The following ATP10B variants were observed in gnomAD, a reference collection of about 807,000 sequenced individuals.
ATP10B encodes ATPase phospholipid transporting 10B (putative).
Under a neutral mutation model 141.2 loss-of-function variants are expected in ATP10B, and 122 were observed. The ratio of observed to expected loss-of-function variants is 0.86; its 90% CI spans 0.75 to 1.00. ATP10B has a LOEUF of 1.00. ATP10B is among the 50% of genes least tolerant of loss of function. The pLI, the probability that ATP10B is intolerant of heterozygous loss-of-function variation, is 0.00. For synonymous variants in ATP10B, 685 were observed against 692.0 expected, an observed-to-expected ratio of 0.99 and a Z score of 0.16; for missense variants, 1,876 against 1,825.3, an observed-to-expected ratio of 1.03 and a Z score of -0.51.
the ATP10B span, among the ~76,000 whole-genome samples, chr5:160,895,720 TG>T: frequency 1.4e-3 from 208 of 152,314 alleles, no homozygotes; most frequent in African/African-American, 4.8e-3. Context: ...TACAGACCTC[TG>T]CACTCTAAAT....
chr5:160,782,401 T>C (rs1283383750), intron 2 of ATP10B, among the ~76,000 whole-genome samples: 1 of 151,538 alleles, frequency 6.6e-6, no homozygotes, highest in Non-Finnish European at 1.5e-5. Flanking sequence ...CAGCAAAGTT[T>C]ACATTTATTG....
At chr5:160,726,934 C>A (rs1202254779) in intron 2 of ATP10B, among the ~76,000 whole-genome samples, 1 of 151,598 alleles carries the variant, frequency 6.6e-6, no homozygotes, top group Non-Finnish European at 1.5e-5. Flanking sequence ...GACCTGGAAG[C>A]CCCCGGGGGT....
At chr5:160,594,663 A>T (rs1003113160) in intron 22 of ATP10B, among the ~76,000 whole-genome samples, 1 of 151,326 alleles carries the variant, frequency 6.6e-6, no homozygotes, top group Non-Finnish European at 1.5e-5. Flanking sequence ...GCAGAGACAC[A>T]CATAGGTTCA....
At chr5:160,704,335 G>C (rs536900891) in intron 3 of ATP10B, among the ~76,000 whole-genome samples, 7 of 152,186 alleles carry the variant, frequency 4.6e-5, no homozygotes, top group Admixed American at 2.0e-4. Context: ...GGGATTATAG[G>C]CATGAAACAC....
At chr5:160,699,242 T>C (rs1435392755) in intron 3 of ATP10B, among the ~76,000 whole-genome samples, 4 of 152,246 alleles carry the variant, frequency 2.6e-5, no homozygotes, top group Non-Finnish European at 4.4e-5. Flanking sequence ...AATTTCATTT[T>C]TAACATCCCT....
intron 24 of ATP10B, among the ~76,000 whole-genome samples, chr5:160,575,274 T>TC (rs1755122116): frequency 6.6e-6 from 1 of 152,234 alleles, no homozygotes; most frequent in Admixed American, 6.5e-5. Flanking sequence ...GTGTTTTTTT[T>TC]CCCTTCAGCA....
intron 4 of ATP10B, 90 bp downstream of exon 4, chr5:160,688,670 C>T (rs753564166): frequency 1.2e-4 from 81 of 688,724 alleles, no homozygotes; most frequent in Non-Finnish European, 1.4e-4. Context: ...TATTGGGACA[C>T]ATCTTAAAAC....
intron 2 of ATP10B, among the ~76,000 whole-genome samples, chr5:160,753,108 T>C (rs1190914846): frequency 1.3e-5 from 2 of 152,062 alleles, no homozygotes; most frequent in Non-Finnish European, 2.9e-5. Context: ...CAGGGGATGG[T>C]TAAGACAGAA....
intron 18 of ATP10B, among the ~76,000 whole-genome samples, chr5:160,607,744 CTT>C (rs1757476168): frequency 6.6e-6 from 1 of 152,124 alleles, no homozygotes; most frequent in Admixed American, 6.5e-5. Flanking sequence ...TGGAAATAAA[CTT>C]ATTAATTTTT....
chr5:160,748,905 TG>T (rs1213600644), intron 2 of ATP10B, among the ~76,000 whole-genome samples: 6 of 152,232 alleles, frequency 3.9e-5, no homozygotes, highest in Admixed American at 6.5e-5. Flanking sequence ...GTGCCTACTC[TG>T]GGCTAGGCCC....
intron 1 of ATP10B, among the ~76,000 whole-genome samples, chr5:160,787,129 CACACA>C (rs1162258408): frequency 1.7e-5 from 2 of 120,162 alleles, no homozygotes; most frequent in South Asian, 5.2e-4. Context: ...CACACACACA[CACACA>C]CACACACACA....
At chr5:160,754,808 G>T (rs570895858) in intron 2 of ATP10B, among the ~76,000 whole-genome samples, 17 of 152,146 alleles carry the variant, frequency 1.1e-4, no homozygotes, top group Non-Finnish European at 1.0e-4. Context: ...TAGCACTACA[G>T]GATAGACACA....
the ATP10B span, among the ~76,000 whole-genome samples, chr5:160,872,779 C>T: frequency 6.6e-6 from 1 of 152,152 alleles, no homozygotes. Context: ...TGACTACGGC[C>T]TTAGAGTATA....
At chr5:160,854,403 A>G (rs1187214260), upstream of ATP10B, among the ~76,000 whole-genome samples, 1 of 151,806 alleles carries the variant, frequency 6.6e-6, no homozygotes, top group African/African-American at 2.4e-5. Context: ...TTCAACTCCC[A>G]CTTATGAGAA....
At chr5:160,854,551 T>C (rs1010238134), upstream of ATP10B, among the ~76,000 whole-genome samples, 2 of 152,202 alleles carry the variant, frequency 1.3e-5, no homozygotes, top group Non-Finnish European at 2.9e-5. Context: ...ATGTGCTACA[T>C]TTTCTTTATC....
At chr5:160,661,610 T>G (rs556981776) in intron 7 of ATP10B, among the ~76,000 whole-genome samples, 16 of 152,162 alleles carry the variant, frequency 1.1e-4, no homozygotes, top group Non-Finnish European at 2.1e-4. Flanking sequence ...GATGGGTCCA[T>G]AGAAATGTAT....
intron 2 of ATP10B, among the ~76,000 whole-genome samples, chr5:160,743,977 A>G (rs1333740083): frequency 6.6e-6 from 1 of 152,224 alleles, no homozygotes; most frequent in Non-Finnish European, 1.5e-5. Context: ...CAAAATGTTA[A>G]TAATACCAAG....
chr5:160,715,288 C>G (rs1561781875), intron 3 of ATP10B, among the ~76,000 whole-genome samples: 1 of 129,128 alleles, frequency 7.7e-6, no homozygotes, highest in Admixed American at 7.6e-5. Flanking sequence ...GTAGAACCCT[C>G]TGAGCCAGGT....
chr5:160,618,256 C>G (rs1758138395), intron 15 of ATP10B, among the ~76,000 whole-genome samples: 1 of 152,236 alleles, frequency 6.6e-6, no homozygotes, highest in African/African-American at 2.4e-5. Context: ...TGTTCCCAAA[C>G]AGCTGTTTGC....
Sources: allele counts gnomAD v4.1 joint callset (sites outside exome capture counted in the v4.1 genomes callset), GRCh38; gene constraint gnomAD v4.1.1; transcripts MANE v1.5; gene names NCBI Gene and HGNC (gene_info 2026-07-23, HGNC 2026-07-21).